UCHL1: variants seen among roughly 807,000 people sequenced by gnomAD.
UCHL1 encodes ubiquitin C-terminal hydrolase L1, also known as ubiquitin carboxyl-terminal hydrolase isozyme L1.
Under a neutral mutation model 33.3 loss-of-function variants are expected in UCHL1, and 5 were observed. That is an observed-to-expected ratio of 0.15 (90% CI 0.08 to 0.32). The LOEUF (loss-of-function observed/expected upper bound fraction) is 0.32, where lower values mean the gene tolerates loss of function less well. Ranked by LOEUF, UCHL1 falls within the 10% of genes least tolerant of loss-of-function variation. The pLI, the probability that UCHL1 is intolerant of heterozygous loss-of-function variation, is 1.00. For missense variants in UCHL1, 236 were observed against 280.0 expected (o/e 0.84, Z 1.12); for synonymous variants, 132 against 108.8 (o/e 1.21, Z -1.33).
intron 8 of UCHL1, among the ~76,000 whole-genome samples, chr4:41,266,050 A>T (rs144600034): frequency 2.1e-4 from 32 of 152,274 alleles, no homozygotes; most frequent in African/African-American, 7.0e-4. Context: ...TACAAGTGTC[A>T]CATGAGTAGA....
intron 2 of UCHL1, 75 bp downstream of exon 2, chr4:41,257,201 T>C: frequency 1.2e-6 from 2 of 1,608,358 alleles, no homozygotes; most frequent in Non-Finnish European, 1.7e-6. Flanking sequence ...CGGTTCCGGC[T>C]GCTGGCAGGG....
At chr4:41,262,630 T>TAA (rs113833813) in intron 6 of UCHL1, among the ~76,000 whole-genome samples, 48 of 145,146 alleles carry the variant, frequency 3.3e-4, no homozygotes, top group East Asian at 1.4e-3. Context: ...GTGTCCTTTT[T>TAA]AAAAAAAAAA....
intron 3 of UCHL1, 59 bp downstream of exon 3, chr4:41,257,796 G>A: frequency 6.6e-7 from 1 of 1,524,888 alleles, no homozygotes; most frequent in Non-Finnish European, 8.8e-7. Flanking sequence ...TCCCCAGCTT[G>A]AGTCCTCGGG....
At chr4:41,262,235 G>A (rs145941315) in intron 6 of UCHL1, among the ~76,000 whole-genome samples, 395 of 152,304 alleles carry the variant, frequency 2.6e-3, no homozygotes, top group African/African-American at 9.1e-3. Flanking sequence ...GCCGAGGAGG[G>A]TGAATCACTT....
In UCHL1 at chr4:41,268,326, A is replaced by G. The variant is rs1781187263; in HGVS notation, c.*253A>G. ...AGTGTATGTCTTGTATCCGATATCT[A>G]ACGCTTTAAATGGCTACTTTGGTTT... On this transcript the variant is annotated 3_prime_UTR_variant, in exon 9 of 9. Transcript: ENST00000284440. The G allele has an allele frequency of 3.6e-6, 2 of 550,486 alleles. No individual in the cohort carries two copies. Among genetic ancestry groups the G allele is most frequent in the Non-Finnish European group, 6.5e-6 (2 of 308,846 alleles). The allele number at this position is 550,486 out of a possible 1,614,324, so 34.1% of individuals were successfully genotyped here.
At position 41,260,495 on chromosome 4, in the gene UCHL1, G is replaced by C. The variant is rs1005648024; in HGVS notation, c.175-152G>C. 15 of 918,034 alleles carry C rather than the reference G, an allele frequency of 1.6e-5. No homozygotes were observed. In the African/African-American group the frequency reaches 1.6e-4, roughly 10 times the overall value. The allele number at this position is 918,034 out of a possible 1,614,324, so 56.9% of individuals were successfully genotyped here. On this transcript the variant is annotated intron_variant, in intron 3 of 8. Transcript: ENST00000284440. Reference sequence around the variant, plus strand: ...TGGGTGGTGTGGGAGGCAGACAGACGGGCCCTTCTCTGGGAGTCAGCCAAC... The same window carrying C: ...TGGGTGGTGTGGGAGGCAGACAGACCGGCCCTTCTCTGGGAGTCAGCCAAC...
chr4:41,257,344 G>T, intron 2 of UCHL1: 1 of 953,256 alleles, frequency 1.0e-6, no homozygotes, highest in African/African-American at 1.7e-5. Flanking sequence ...TGCGCCCCGT[G>T]GCGAGCGAGC....
Position 41,257,642 on chromosome 4 carries a change from C to T in UCHL1, c.79C>T (p.Arg27Cys), listed in dbSNP as rs1473424945. The T allele has an allele frequency of 3.2e-6, 5 of 1,562,596 alleles. No individual in the cohort carries two copies. The highest frequency in any genetic ancestry group is 3.7e-5 in the Admixed American group (2 of 53,600). The part of the protein sequence containing the change: ...LSRLGVAGQW[R>C]FVDVLGLEEE... ...CCGGCTGGGGGTCGCCGGCCAGTGGCGCTTCGTGGACGTGCTGGGGCTGGA... is the reference window on the plus strand; with the variant it reads ...CCGGCTGGGGGTCGCCGGCCAGTGGTGCTTCGTGGACGTGCTGGGGCTGGA... The change falls in exon 3 of 9, where the codon CGC becomes TGC. Residue 27 changes from arginine to cysteine, a missense_variant. Transcript: ENST00000284440.
chr4:41,262,623 TC>T (rs536955281), intron 6 of UCHL1, among the ~76,000 whole-genome samples: 361 of 144,866 alleles, frequency 2.5e-3, no homozygotes, highest in Non-Finnish European at 4.1e-3. Context: ...GATCTCAGTG[TC>T]CTTTTTAAAA....
intron 3 of UCHL1, among the ~76,000 whole-genome samples, chr4:41,258,364 C>T (rs1781017335): frequency 6.6e-6 from 1 of 152,204 alleles, no homozygotes; most frequent in Admixed American, 6.5e-5. Context: ...CTTCACTTAT[C>T]CTTGTTCATC....
Position 41,257,616 on chromosome 4 carries a change from C to A in UCHL1, c.53C>A (p.Ser18Tyr), listed in dbSNP as rs5030732. 297,847 of 1,550,242 alleles carry A rather than the reference C, an allele frequency of 0.19. 33,472 individuals are homozygous for A. Among genetic ancestry groups the A allele is most frequent in the East Asian group, 0.52 (21,548 of 41,526 alleles). Residue 18 changes from serine (S) to tyrosine (Y), a missense_variant, in exon 3 of 9, where the codon TCC becomes TAC. Ser to Tyr is a moderately radical substitution (Grantham distance 144). Transcript: ENST00000284440. ...INPEMLNKVL[S>Y]RLGVAGQWRF... is the part of the protein sequence containing the mutation. ...CTTGTCTCCTCTCCGCAGGTGCTGT[C>A]CCGGCTGGGGGTCGCCGGCCAGTGG...
chr4:41,266,768 C>T (rs181481125), intron 8 of UCHL1, among the ~76,000 whole-genome samples: 251 of 152,158 alleles, frequency 1.6e-3, no homozygotes, highest in Non-Finnish European at 2.9e-3. Context: ...TAGAAGCGCA[C>T]ACCACCATGC....
At chr4:41,265,095 A>G (rs2154087292) in intron 8 of UCHL1, among the ~76,000 whole-genome samples, 1 of 152,332 alleles carries the variant, frequency 6.6e-6, no homozygotes, top group Non-Finnish European at 1.5e-5. Flanking sequence ...CCACCAGCAC[A>G]GGCTGGGTTG....
intron 4 of UCHL1, 72 bp from the exon 5 acceptor site, chr4:41,261,643 C>CT: frequency 6.5e-7 from 1 of 1,530,458 alleles, no homozygotes; most frequent in Non-Finnish European, 8.9e-7. Flanking sequence ...TCAGCAAAGG[C>CT]TTAAGTCAAC....
rs1051597786 is a variant in UCHL1 at position 41,261,901 on chromosome 4, T to C, written c.437T>C (p.Val146Ala). 2.5e-6 allele frequency: 4 copies of C among 1,614,214 alleles called. No individual in the cohort carries two copies. Among genetic ancestry groups the C allele is most frequent in the Admixed American group, 1.7e-5 (1 of 60,028 alleles). Residue 146 changes from valine to alanine, a missense_variant, in exon 6 of 9, where the codon GTG (valine) becomes GCG (alanine). Physicochemically the swap from Val to Ala is moderately conservative, Grantham distance 64 (BLOSUM62 0). Transcript: ENST00000284440. ...GCCATACAGGCAGCCCATGATGCCG[T>C]GGCACAGGAAGGCCAATGTCGGGTA... The part of the protein sequence containing the change: ...NEAIQAAHDA[V>A]AQEGQCRVDD...
intron 8 of UCHL1, 98 bp downstream of exon 8, chr4:41,264,259 C>T (rs962700124): frequency 6.7e-7 from 1 of 1,492,038 alleles, no homozygotes; most frequent in African/African-American, 1.4e-5. Context: ...TAGCCAGCAT[C>T]AGTTGCCTGG....
chr4:41,261,197 C>A (rs1781063272), intron 4 of UCHL1, among the ~76,000 whole-genome samples: 1 of 152,056 alleles, frequency 6.6e-6, no homozygotes, highest in Admixed American at 6.6e-5. Context: ...ATTTTTCTAT[C>A]TGAATAACCG....
intron 5 of UCHL1, 32 bp from the exon 6 acceptor site, chr4:41,261,844 T>A: frequency 5.0e-6 from 8 of 1,613,960 alleles, no homozygotes; most frequent in Non-Finnish European, 6.8e-6. Context: ...ACTCTAGAGA[T>A]TTTTGTGCTA....
In UCHL1 at chr4:41,263,267, G is replaced by A. The variant is rs770192031; in HGVS notation, c.502G>A (p.Val168Met). 9.9e-6 allele frequency: 16 copies of A among 1,613,998 alleles called. No homozygotes were observed. The South Asian group carries it at 1.1e-4, about 11-fold the overall frequency. ...TTTCCATTTTATTCTGTTTAACAAC[G>A]TGGATGGCCACCTCTATGAACTTGG... ...VNFHFILFNN[V>M]DGHLYELDGR... is the part of the protein sequence containing the mutation. The change falls in exon 7 of 9, where the codon GTG (valine) becomes ATG (methionine). Residue 168 changes from valine (V) to methionine (M), a missense_variant. By Grantham distance (21) the Val-to-Met change is conservative. Transcript: ENST00000284440.
Sources: allele counts gnomAD v4.1 joint callset (sites outside exome capture counted in the v4.1 genomes callset), GRCh38; gene constraint gnomAD v4.1.1; transcripts MANE v1.5; gene names NCBI Gene and HGNC (gene_info 2026-07-23, HGNC 2026-07-21).